Variants in AP3M2 observed in about 807,000 individuals in gnomAD.
AP3M2 encodes the protein AP-3 complex subunit mu-2.
AP3M2 carries 28 observed loss-of-function variants against 41.6 expected under a neutral mutation model. The observed-to-expected ratio is 0.67, with a 90% CI of 0.50 to 0.92. The LOEUF is 0.92. AP3M2 is among the 40% of genes least tolerant of loss of function. The pLI, the probability that AP3M2 is intolerant of heterozygous loss-of-function variation, is 0.00. For missense variants in AP3M2, 427 were observed against 521.4 expected (o/e 0.82, Z 1.76); for synonymous variants, 193 against 186.4 (o/e 1.04, Z -0.29).
chr8:42,170,590 A>T lies in AP3M2; in HGVS notation c.*1529A>T, dbSNP rs1804772675. ...TCCACACCCTAGAGCTTTTCTCTAA[A>T]TATTGTGCAAAGTTTTTGCTAGTTT... On this transcript the variant is annotated 3_prime_UTR_variant, in exon 9 of 9. Coordinates refer to ENST00000396926, the MANE Select transcript of AP3M2 (RefSeq NM_006803.4). 6.6e-6 allele frequency: 1 copy of T among 152,248 alleles called. No homozygotes were observed. Among genetic ancestry groups the T allele is most frequent in the African/African-American group, 2.4e-5 (1 of 41,468 alleles). 9.4% of individuals were successfully genotyped at this position (152,248 alleles called of 1,614,324 possible). A position where few individuals can be genotyped will look rare whatever the true frequency, so the allele number is the denominator to read the frequency against.
In AP3M2 at chr8:42,157,881, TA is replaced by T. The variant is rs1804399327; in HGVS notation, c.274-59del. ...CTTATTCTCTGTAGGCACATTCTTTTATTTATTTATTTATTTTACAGTATCT... is the reference window on the plus strand; with the variant it reads ...CTTATTCTCTGTAGGCACATTCTTTTTTTATTTATTTATTTTACAGTATCT... On this transcript the variant is annotated intron_variant, in intron 2 of 8. Coordinates refer to ENST00000396926, the MANE Select transcript of AP3M2 (RefSeq NM_006803.4). 17 of 1,449,710 alleles carry T rather than the reference TA, an allele frequency of 1.2e-5. 1 individual carries two copies. The South Asian group carries it at 2.2e-4, about 19-fold the overall frequency. 89.8% of individuals were successfully genotyped at this position (1,449,710 alleles called of 1,614,324 possible). A position where few individuals can be genotyped will look rare whatever the true frequency, so the allele number is the denominator to read the frequency against.
At chr8:42,162,213 C>T in intron 3 of AP3M2, 68 bp from the exon 4 acceptor site, 19 of 1,472,752 alleles carry the variant, frequency 1.3e-5, no homozygotes, top group Admixed American at 2.2e-5. Flanking sequence ...ATAGAAACTT[C>T]TAGGGAGGTG....
chr8:42,160,763 A>T (rs111238051), intron 3 of AP3M2, among the ~76,000 whole-genome samples: 1,800 of 152,060 alleles, frequency 0.012, 29 homozygotes, highest in South Asian at 0.055. Flanking sequence ...GTCATTATGG[A>T]TTCTTGGTCT....
chr8:42,166,064 T>A (rs190114531), intron 6 of AP3M2, among the ~76,000 whole-genome samples: 1 of 152,314 alleles, frequency 6.6e-6, no homozygotes, highest in African/African-American at 2.4e-5. Flanking sequence ...TCAGGAGGCC[T>A]CAGAGCCACC....
chr8:42,167,328 T>C lies in AP3M2; in HGVS notation c.968T>C (p.Leu323Pro). ...CCCAAGGGGGTCCTGAACATGAGCC[T>C]TACTCCATCACAGGGGACACACACA... ...QMPKGVLNMS[L>P]TPSQGTHTFD... Residue 323 changes from leucine (L) to proline (P), a missense_variant, in exon 7 of 9, where the codon CTT (leucine) becomes CCT (proline). Leu to Pro is a moderately conservative substitution (Grantham distance 98). This residue lies in a region of AP3M2 where 237 missense variants were observed against 284.9 expected (regional missense o/e 0.83). Coordinates refer to ENST00000396926, the MANE Select transcript of AP3M2 (RefSeq NM_006803.4). 6.2e-7 allele frequency: 1 copy of C among 1,614,150 alleles called. No homozygotes were observed. Among genetic ancestry groups the C allele is most frequent in the Non-Finnish European group, 8.5e-7 (1 of 1,180,026 alleles).
Position 42,158,112 on chromosome 8 carries a change from G to A in AP3M2, c.445G>A (p.Gly149Arg). The A allele has an allele frequency of 1.2e-6, 2 of 1,611,886 alleles. No homozygotes were observed. The highest frequency in any genetic ancestry group is 1.7e-6 in the Non-Finnish European group (2 of 1,178,092). The change falls in exon 3 of 9, where the codon GGA becomes AGA. Residue 149 changes from glycine to arginine, a missense_variant and splice_region_variant. Around this residue, in one of 3 missense-constraint regions of AP3M2, gnomAD observed 86 missense variants for 142.6 expected, o/e 0.60. Transcript: ENST00000396926. Reference protein sequence around the residue: ...ILRTVVNTITGSTNVGDQLPT... With the variant: ...ILRTVVNTITRSTNVGDQLPT... ...TCGAACGGTTGTCAACACCATCACA[G>A]GTACGGCAGAGGGGGAAACTGATAG... is the stretch of plus-strand genomic sequence containing the variant.
chr8:42,167,734 T>C lies in AP3M2; in HGVS notation c.1080T>C (p.Leu360=). 1 of 1,614,162 alleles carries C rather than the reference T, an allele frequency of 6.2e-7. No homozygotes were observed. Among genetic ancestry groups the C allele is most frequent in the Non-Finnish European group, 8.5e-7 (1 of 1,180,014 alleles). The change falls in exon 8 of 9, where the codon CTT becomes CTC. Residue 360 remains leucine (L), a synonymous_variant. Transcript: ENST00000396926. ...CAAGTTTGAAGGGGACCATGAGTCT[T>C]CAGGCTGGAGCTTCCAAACCAGATG... ...KLPSLKGTMS[L]QAGASKPDEN...
intron 5 of AP3M2, 125 bp from the exon 6 acceptor site, chr8:42,165,302 C>T (rs1804609133): frequency 6.9e-7 from 1 of 1,439,346 alleles, no homozygotes; most frequent in Non-Finnish European, 9.5e-7. Flanking sequence ...CTAGAAGTCA[C>T]TACATGATTT....
In AP3M2 at chr8:42,162,374, A is replaced by G. The variant is rs1587915606; in HGVS notation, c.539A>G (p.Tyr180Cys). The change falls in exon 4 of 9, where the codon TAT becomes TGT. Residue 180 changes from tyrosine to cysteine, a missense_variant. Physicochemically the swap from Tyr to Cys is radical, Grantham distance 194. Coordinates refer to ENST00000396926, the MANE Select transcript of AP3M2 (RefSeq NM_006803.4). ...TGVKYTNNEA[Y>C]FDVIEEIDAI... ...GTGAAATATACCAACAATGAGGCCTATTTTGATGTGATTGAAGAGATTGAT... is the reference window on the plus strand; with the variant it reads ...GTGAAATATACCAACAATGAGGCCTGTTTTGATGTGATTGAAGAGATTGAT... The G allele has an allele frequency of 1.9e-6, 3 of 1,613,098 alleles. No homozygotes were observed. Among genetic ancestry groups the G allele is most frequent in the Non-Finnish European group, 2.5e-6 (3 of 1,179,546 alleles).
In AP3M2 at chr8:42,162,449, T is replaced by C. The variant is rs200117790; in HGVS notation, c.583+31T>C. Reference sequence around the variant, plus strand: ...TGCTTTTAATATGTTCTCAGAAATATGAAAATAGAAAGGGACCTCTTTCAT... The same window carrying C: ...TGCTTTTAATATGTTCTCAGAAATACGAAAATAGAAAGGGACCTCTTTCAT... On this transcript the variant is annotated intron_variant, in intron 4 of 8. Coordinates refer to ENST00000396926, the MANE Select transcript of AP3M2 (RefSeq NM_006803.4). The C allele has an allele frequency of 6.6e-5, 104 of 1,575,858 alleles. 1 individual carries two copies. The African/African-American group carries it at 7.2e-4, about 11-fold the overall frequency.
At chr8:42,167,083 G>A in intron 6 of AP3M2, 81 bp from the exon 7 acceptor site, 1 of 1,253,732 alleles carries the variant, frequency 8.0e-7, no homozygotes. Context: ...TACCCACAGG[G>A]CAGAAAAAGC....
intron 3 of AP3M2, among the ~76,000 whole-genome samples, chr8:42,159,196 A>G (rs931273208): frequency 7.9e-5 from 12 of 152,228 alleles, no homozygotes; most frequent in African/African-American, 2.7e-4. Context: ...CTTTTAAATA[A>G]CAAGGATTAC....
At chr8:42,165,382 G>T (rs1252738059) in intron 5 of AP3M2, 45 bp from the exon 6 acceptor site, 15 of 1,605,954 alleles carry the variant, frequency 9.3e-6, no homozygotes, top group Non-Finnish European at 1.2e-5. Context: ...AGCACTGCGG[G>T]TGTTTAATGC....
rs558099497 is a variant in AP3M2 at position 42,165,243 on chromosome 8, A to T, written c.669+87A>T. 10 of 1,482,176 alleles carry T rather than the reference A, an allele frequency of 6.7e-6. No individual in the cohort carries two copies. In the Admixed American group the frequency reaches 1.9e-4, roughly 29 times the overall value. 91.8% of individuals were successfully genotyped at this position (1,482,176 alleles called of 1,614,324 possible). Reference sequence around the variant, plus strand: ...AGAGTAGTGGGAATGGAATAGAACAAGAAGAAATAATTAGGACAGCCACGA... The same window carrying T: ...AGAGTAGTGGGAATGGAATAGAACATGAAGAAATAATTAGGACAGCCACGA... On this transcript the variant is annotated intron_variant, in intron 5 of 8. Transcript: ENST00000396926.
chr8:42,158,250 G>GTTTTT (rs869114568), intron 3 of AP3M2, 138 bp downstream of exon 3: 2 of 228,692 alleles, frequency 8.7e-6, no homozygotes, highest in Non-Finnish European at 1.3e-5. Context: ...CTTTGTAGTT[G>GTTTTT]TTTTTTTTTT....
Position 42,166,591 on chromosome 8 carries a change from C to CAAAAAAAAA in AP3M2, c.804-562_804-554dup, listed in dbSNP as rs56858276. ...GCAACATGGCCAAACCTTGTCTCTA[C>CAAAAAAAAA]AAAAAAAAAAAAAAAAAAAGTAAAA... On this transcript the variant is annotated intron_variant, in intron 6 of 8. Transcript: ENST00000396926. 2.9e-3 allele frequency among the ~76,000 whole-genome samples: 225 copies of CAAAAAAAAA among 77,050 alleles called. 2 individuals are homozygous for CAAAAAAAAA. Among genetic ancestry groups the CAAAAAAAAA allele is most frequent in the African/African-American group, 7.2e-3 (135 of 18,730 alleles). 50.5% of individuals were successfully genotyped at this position (77,050 alleles called of 152,430 possible).
intron 3 of AP3M2, among the ~76,000 whole-genome samples, chr8:42,160,435 G>A (rs1007792518): frequency 6.6e-6 from 1 of 152,174 alleles, no homozygotes; most frequent in Admixed American, 6.5e-5. Context: ...TATTGTATTA[G>A]GGCAGTCAGC....
intron 3 of AP3M2, among the ~76,000 whole-genome samples, chr8:42,159,092 G>A (rs1804438810): frequency 6.6e-6 from 1 of 152,138 alleles, no homozygotes; most frequent in African/African-American, 2.4e-5. Context: ...ACTATGCCTG[G>A]CCTTCATTTT....
intron 1 of AP3M2, 147 bp from the exon 2 acceptor site, chr8:42,154,469 G>T (rs1804300418): frequency 3.5e-6 from 2 of 567,522 alleles, no homozygotes; most frequent in Non-Finnish European, 3.0e-6. Context: ...TTATCGTTTC[G>T]AATTCAAGGG....
Sources: gnomAD v4.1 joint callset for allele counts (sites outside exome capture counted in the v4.1 genomes callset) on GRCh38, gnomAD v4.1.1 for gene constraint, gnomAD v4.1.1 regional missense constraint, MANE v1.5 for transcripts, NCBI Gene and HGNC (gene_info 2026-07-23, HGNC 2026-07-21) for gene names.